ERP44: variants seen among roughly 807,000 people sequenced by gnomAD.
ERP44 encodes endoplasmic reticulum protein 44, also known as endoplasmic reticulum resident protein 44.
In ERP44, 25 loss-of-function variants were observed where a neutral mutation model predicts 53.4. That is an observed-to-expected ratio of 0.47 (90% CI 0.34 to 0.65). The LOEUF (loss-of-function observed/expected upper bound fraction) is 0.65. Ranked by LOEUF, ERP44 falls within the 30% of genes least tolerant of loss-of-function variation. The pLI is 0.01. For synonymous variants in ERP44, 145 were observed against 161.2 expected, an observed-to-expected ratio of 0.90 and a Z score of 0.76; for missense variants, 338 against 493.2, an observed-to-expected ratio of 0.69 and a Z score of 2.98.
At chr9:100,003,810 G>A (rs961766150) in intron 10 of ERP44, among the ~76,000 whole-genome samples, 4 of 151,048 alleles carry the variant, frequency 2.6e-5, no homozygotes, top group African/African-American at 9.8e-5. Context: ...GTGGGAGTGG[G>A]CCTGGGTCAA....
intron 10 of ERP44, among the ~76,000 whole-genome samples, chr9:99,999,474 T>C (rs1282941844): frequency 6.6e-6 from 1 of 152,190 alleles, no homozygotes; most frequent in South Asian, 2.1e-4. Context: ...TATTGGCCGC[T>C]TGTGTGTCTT....
chr9:100,077,386 C>CGA (rs1826369719), intron 1 of ERP44, among the ~76,000 whole-genome samples: 1 of 152,194 alleles, frequency 6.6e-6, no homozygotes, highest in Non-Finnish European at 1.5e-5. Flanking sequence ...TTTGAAGTCA[C>CGA]AATTACAACG....
intron 4 of ERP44, among the ~76,000 whole-genome samples, chr9:100,049,372 T>A (rs1276931897): frequency 6.6e-6 from 1 of 152,164 alleles, no homozygotes; most frequent in African/African-American, 2.4e-5. Context: ...CACTACAGCC[T>A]GGGCGAGACA....
intron 4 of ERP44, among the ~76,000 whole-genome samples, chr9:100,031,872 T>G (rs1825794518): frequency 6.6e-6 from 1 of 152,196 alleles, no homozygotes; most frequent in African/African-American, 2.4e-5. Context: ...AATCTAAGGT[T>G]CTGTTCTGTT....
At chr9:100,023,767 G>A (rs1830621899) in intron 4 of ERP44, among the ~76,000 whole-genome samples, 1 of 152,072 alleles carries the variant, frequency 6.6e-6, no homozygotes. Flanking sequence ...TTTGCATGAT[G>A]TATAAACAAA....
chr9:100,071,174 G>A (rs1294948621), intron 1 of ERP44, among the ~76,000 whole-genome samples: 1 of 140,456 alleles, frequency 7.1e-6, no homozygotes, highest in Admixed American at 7.9e-5. Flanking sequence ...GGCTCACTGC[G>A]ACCTCCACCT....
intron 4 of ERP44, among the ~76,000 whole-genome samples, chr9:100,028,095 A>G (rs1830672797): frequency 6.6e-6 from 1 of 152,188 alleles, no homozygotes; most frequent in Non-Finnish European, 1.5e-5. Flanking sequence ...TATAGTTCCT[A>G]TAAAAAGCTT....
Position 100,098,902 on chromosome 9 carries a change from T to G in ERP44, c.-62A>C. On this transcript the variant is annotated 5_prime_UTR_variant, in exon 1 of 12. Coordinates refer to ENST00000262455, the MANE Select transcript of ERP44 (RefSeq NM_015051.3). ...CGGCTGGGACTGGGCTAGGTTGGGT[T>G]GGGTTAGGAAAGGGCTGGGCTCCGG... 6.8e-7 allele frequency: 1 copy of G among 1,468,192 alleles called. No homozygotes were observed. Among genetic ancestry groups the G allele is most frequent in the Non-Finnish European group, 9.5e-7 (1 of 1,050,804 alleles). 90.9% of individuals were successfully genotyped at this position (1,468,192 alleles called of 1,614,324 possible). A position where few individuals can be genotyped will look rare whatever the true frequency, so the allele number is the denominator to read the frequency against.
intron 3 of ERP44, among the ~76,000 whole-genome samples, chr9:100,055,915 G>A (rs1171880070): frequency 6.6e-6 from 1 of 152,136 alleles, no homozygotes; most frequent in Non-Finnish European, 1.5e-5. Context: ...TCTAGACTTT[G>A]AGGCCACATA....
chr9:100,076,528 G>A (rs1009924878), intron 1 of ERP44, among the ~76,000 whole-genome samples: 8 of 152,314 alleles, frequency 5.3e-5, no homozygotes, highest in Middle Eastern at 6.8e-3. Flanking sequence ...AAAGGACAGC[G>A]GAGAAGGGAA....
intron 6 of ERP44, among the ~76,000 whole-genome samples, chr9:100,019,992 G>A (rs2118652636): frequency 6.6e-6 from 1 of 152,260 alleles, no homozygotes; most frequent in Admixed American, 6.5e-5. Flanking sequence ...AAAAAGAAAG[G>A]TGAAATTATA....
Position 99,990,911 on chromosome 9 carries a change from G to GACTA in ERP44, c.1017-5843_1017-5842insTAGT, listed in dbSNP as rs1830246689. 5.9e-5 allele frequency among the ~76,000 whole-genome samples: 9 copies of GACTA among 152,240 alleles called. No individual in the cohort carries two copies. In the South Asian group the frequency reaches 1.9e-3, roughly 32 times the overall value. The stretch of plus-strand genomic sequence containing the variant: ...CTTTAAACCAACAAAGATCAAAAGA[G>GACTA]ACAAAGAAGGCCATTACATAATGGT... On this transcript the variant is annotated intron_variant, in intron 10 of 11. Transcript: ENST00000262455.
At chr9:99,989,358 T>C (rs948440753) in intron 10 of ERP44, among the ~76,000 whole-genome samples, 1 of 152,182 alleles carries the variant, frequency 6.6e-6, no homozygotes, top group African/African-American at 2.4e-5. Context: ...GCAGCAATAA[T>C]TGCCCTCCTG....
intron 10 of ERP44, among the ~76,000 whole-genome samples, chr9:99,987,265 G>A (rs961208793): frequency 4.6e-5 from 7 of 152,192 alleles, no homozygotes; most frequent in African/African-American, 1.7e-4. Flanking sequence ...GTAACATTCA[G>A]TGAATCAACA....
intron 4 of ERP44, among the ~76,000 whole-genome samples, chr9:100,046,058 A>G (rs953662965): frequency 6.6e-6 from 1 of 152,172 alleles, no homozygotes; most frequent in Non-Finnish European, 1.5e-5. Context: ...TAAACTAGCA[A>G]CAAAAAAACT....
intron 4 of ERP44, among the ~76,000 whole-genome samples, chr9:100,024,669 A>G (rs921779223): frequency 6.6e-6 from 1 of 152,176 alleles, no homozygotes; most frequent in Admixed American, 6.5e-5. Flanking sequence ...GAAATTAAAT[A>G]CATACACATA....
chr9:100,034,181 G>T (rs1311526190), intron 4 of ERP44, among the ~76,000 whole-genome samples: 2 of 152,170 alleles, frequency 1.3e-5, no homozygotes, highest in African/African-American at 2.4e-5. Flanking sequence ...AACCTTGCAG[G>T]TTGCAGTAAA....
intron 7 of ERP44, among the ~76,000 whole-genome samples, chr9:100,017,699 G>A (rs1028569277): frequency 2.6e-5 from 4 of 152,168 alleles, no homozygotes; most frequent in South Asian, 2.1e-4. Context: ...AATTGCAATG[G>A]CAGACGCTTG....
At chr9:100,056,345 T>G (rs1426636588) in intron 3 of ERP44, among the ~76,000 whole-genome samples, 2 of 152,262 alleles carry the variant, frequency 1.3e-5, no homozygotes, top group African/African-American at 4.8e-5. Context: ...TCTGTGTATC[T>G]TCAACTTTTT....
Sources: gnomAD v4.1 joint callset for allele counts (sites outside exome capture counted in the v4.1 genomes callset) on GRCh38, gnomAD v4.1.1 for gene constraint, MANE v1.5 for transcripts, NCBI Gene and HGNC (gene_info 2026-07-23, HGNC 2026-07-21) for gene names.